DDX47: variants seen among roughly 807,000 people sequenced by gnomAD.
The protein encoded by DDX47 is probable ATP-dependent RNA helicase DDX47.
A neutral mutation model predicts 58.8 loss-of-function variants in DDX47; 60 were observed. That is an observed-to-expected ratio of 1.02 (90% CI 0.83 to 1.26). The LOEUF (loss-of-function observed/expected upper bound fraction) is 1.26, where lower values mean the gene tolerates loss of function less well. Ranked by LOEUF, DDX47 falls within the 50% of genes most tolerant of loss-of-function variation. The probability of loss-of-function intolerance (pLI) is 0.00; values close to 1 mark genes in which losing one functional copy is unlikely to be tolerated. For synonymous variants in DDX47, 197 were observed against 204.6 expected (o/e 0.96, Z 0.32); for missense variants, 530 against 573.2 (o/e 0.92, Z 0.77).
At chr12:12,829,241 T>A (rs1863095605) in intron 11 of DDX47, among the ~76,000 whole-genome samples, 182 bp from the exon 12 acceptor site, 1 of 152,236 alleles carries the variant, frequency 6.6e-6, no homozygotes, top group Non-Finnish European at 1.5e-5. Context: ...ACTTTAGTGT[T>A]CACGTTTTGA....
At chr12:12,821,435 A>C in intron 3 of DDX47, 39 bp downstream of exon 3, 1 of 1,608,454 alleles carries the variant, frequency 6.2e-7, no homozygotes, top group East Asian at 2.2e-5. Context: ...GGTTGCCATC[A>C]CAAGTGAAGA....
intron 9 of DDX47, 172 bp downstream of exon 9, chr12:12,824,849 T>A: frequency 1.6e-6 from 1 of 612,564 alleles, no homozygotes; most frequent in Non-Finnish European, 2.8e-6. Context: ...CCTGTGTATG[T>A]AACATTAGTA....
chr12:12,829,470 T>C lies in DDX47; in HGVS notation c.1284T>C (p.Ala428=). ...GEKKKRSRED[A]GDNDDTEGAI... is the part of the protein sequence containing the mutation. ...AGAAGAAACGCTCGCGAGAGGATGC[T>C]GGAGATAATGATGACACAGAGGGTG... The change falls in exon 12 of 12, where the codon GCT becomes GCC. Residue 428 remains alanine (A), a synonymous_variant. Transcript: ENST00000358007. The C allele has an allele frequency of 6.2e-7, 1 of 1,613,716 alleles. No individual in the cohort carries two copies. Among genetic ancestry groups the C allele is most frequent in the Non-Finnish European group, 8.5e-7 (1 of 1,179,852 alleles).
intron 2 of DDX47, 61 bp from the exon 3 acceptor site, chr12:12,821,147 G>A (rs1592322671): frequency 6.4e-7 from 1 of 1,554,000 alleles, no homozygotes; most frequent in East Asian, 2.2e-5. Flanking sequence ...TTGTGTCATT[G>A]TAGAAAACAC....
chr12:12,816,800 A>G (rs1000047404), intron 2 of DDX47, among the ~76,000 whole-genome samples: 4 of 152,248 alleles, frequency 2.6e-5, no homozygotes, highest in Non-Finnish European at 5.9e-5. Context: ...GGAAAGAACT[A>G]TCAGCGGCCC....
intron 11 of DDX47, among the ~76,000 whole-genome samples, chr12:12,828,123 G>T (rs1262977745): frequency 6.6e-6 from 1 of 152,010 alleles, no homozygotes; most frequent in Non-Finnish European, 1.5e-5. Flanking sequence ...CTCCCAAAGT[G>T]CTGGGATTAC....
rs553935323 is a variant in DDX47 at position 12,824,074 on chromosome 12, C to T, written c.897+58C>T. On this transcript the variant is annotated intron_variant, in intron 8 of 11. Transcript: ENST00000358007. ...TGGTGGCGTGAGCGAGATAAACCTCCTAACAGTAGGTTTGTACAATAAGGC... is the reference window on the plus strand; with the variant it reads ...TGGTGGCGTGAGCGAGATAAACCTCTTAACAGTAGGTTTGTACAATAAGGC... 34 of 1,570,598 alleles carry T rather than the reference C, an allele frequency of 2.2e-5. No homozygotes were observed. The African/African-American group carries it at 3.4e-4, about 16-fold the overall frequency.
chr12:12,821,577 G>A, intron 3 of DDX47, 78 bp from the exon 4 acceptor site: 1 of 1,471,844 alleles, frequency 6.8e-7, no homozygotes, highest in Non-Finnish European at 9.5e-7. Flanking sequence ...TAGAAATCTG[G>A]CATTGGCTTT....
rs564309436 is a variant in DDX47 at position 12,818,578 on chromosome 12, A to G, written c.182-2630A>G. 8.7e-4 allele frequency among the ~76,000 whole-genome samples: 132 copies of G among 152,302 alleles called. 4 individuals are homozygous for G. The South Asian group carries it at 0.026, about 30-fold the overall frequency. On this transcript the variant is annotated intron_variant, in intron 2 of 11. Coordinates refer to ENST00000358007, the MANE Select transcript of DDX47 (RefSeq NM_016355.4). The stretch of plus-strand genomic sequence containing the variant: ...TGACTTGTATTTCACATCTGTGCAT[A>G]TGCTTTTGAATGGAAAACACTGATG...
intron 2 of DDX47, among the ~76,000 whole-genome samples, chr12:12,815,512 G>A (rs910474040): frequency 6.6e-6 from 1 of 152,142 alleles, no homozygotes; most frequent in Non-Finnish European, 1.5e-5. Flanking sequence ...AGGGAGAAGA[G>A]ATTACTTCTA....
chr12:12,819,118 CT>C (rs1862936108), intron 2 of DDX47, among the ~76,000 whole-genome samples: 1 of 152,184 alleles, frequency 6.6e-6, no homozygotes, highest in South Asian at 2.1e-4. Context: ...GATCACTCTT[CT>C]TTCTTGAAGC....
intron 10 of DDX47, among the ~76,000 whole-genome samples, chr12:12,826,867 C>G (rs1487956287): frequency 6.6e-6 from 1 of 152,202 alleles, no homozygotes; most frequent in African/African-American, 2.4e-5. Flanking sequence ...AAGTAGTCCT[C>G]ATACCTCAGT....
At position 12,817,685 on chromosome 12, in the gene DDX47, A is replaced by G. The variant is rs138398636; in HGVS notation, c.181+3461A>G. The stretch of plus-strand genomic sequence containing the variant: ...ATATGACAAAATCTATTCTGCTCTT[A>G]TGGAGTTTATGCATTCTGGTATATT... On this transcript the variant is annotated intron_variant, in intron 2 of 11. Transcript: ENST00000358007. Among the ~76,000 whole-genome samples the G allele has an allele frequency of 2.7e-3, 413 of 152,324 alleles. 3 individuals carry two copies. The highest frequency in any genetic ancestry group is 9.5e-3 in the African/African-American group (397 of 41,574).
At chr12:12,819,803 C>G (rs1016175741) in intron 2 of DDX47, among the ~76,000 whole-genome samples, 1 of 152,276 alleles carries the variant, frequency 6.6e-6, no homozygotes, top group Admixed American at 6.5e-5. Context: ...GTGTGAGTCA[C>G]CCACATTTCC....
At chr12:12,816,465 T>TA (rs926078706) in intron 2 of DDX47, among the ~76,000 whole-genome samples, 1 of 152,184 alleles carries the variant, frequency 6.6e-6, no homozygotes, top group Non-Finnish European at 1.5e-5. Flanking sequence ...ACCATAAGTA[T>TA]AATTTTTTGT....
intron 11 of DDX47, among the ~76,000 whole-genome samples, chr12:12,828,152 C>T (rs1454810251): frequency 6.6e-6 from 1 of 151,974 alleles, no homozygotes; most frequent in East Asian, 1.9e-4. Context: ...GCCATTGTGC[C>T]CAGCAATCCA....
At chr12:12,817,583 C>T (rs188346439) in intron 2 of DDX47, among the ~76,000 whole-genome samples, 1 of 152,248 alleles carries the variant, frequency 6.6e-6, no homozygotes, top group Admixed American at 6.5e-5. Context: ...AAGTTGTCCT[C>T]AAGGAATTTC....
intron 8 of DDX47, 63 bp downstream of exon 8, chr12:12,824,079 AG>A: frequency 6.4e-7 from 1 of 1,561,970 alleles, no homozygotes; most frequent in Non-Finnish European, 8.6e-7. Context: ...ACCTCCTAAC[AG>A]TAGGTTTGTA....
In DDX47 at chr12:12,821,311, C is replaced by A. The variant is rs200280129; in HGVS notation, c.285C>A (p.Ala95=). The change falls in exon 3 of 12, where the codon GCC becomes GCA. Residue 95 remains alanine, a synonymous_variant. Transcript: ENST00000358007. ...ALLETPQRLF[A]LVLTPTRELA... ...TGGAGACCCCGCAGCGTTTGTTTGC[C>A]CTAGTTCTTACCCCGACTCGGGAGC... 28 of 1,614,170 alleles carry A rather than the reference C, an allele frequency of 1.7e-5. No homozygotes were observed. In the Middle Eastern group the frequency reaches 4.9e-4, roughly 29 times the overall value.
Sources: allele counts gnomAD v4.1 joint callset (sites outside exome capture counted in the v4.1 genomes callset), GRCh38; gene constraint gnomAD v4.1.1; transcripts MANE v1.5; gene names NCBI Gene and HGNC (gene_info 2026-07-23, HGNC 2026-07-21).